The following SKIL variants were observed in gnomAD, a reference collection of about 807,000 sequenced individuals.
The protein encoded by SKIL is ski-like protein.
Under a neutral mutation model 69.6 loss-of-function variants are expected in SKIL, and 20 were observed. The ratio of observed to expected loss-of-function variants is 0.29; its 90% CI spans 0.20 to 0.42. The LOEUF (loss-of-function observed/expected upper bound fraction) is 0.42, where lower values mean the gene tolerates loss of function less well. Ranked by LOEUF, SKIL falls within the 10% of genes least tolerant of loss-of-function variation. SKIL has a pLI of 1.00. For missense variants in SKIL, 745 were observed against 783.1 expected, an observed-to-expected ratio of 0.95 and a Z score of 0.58; for synonymous variants, 310 against 279.9, an observed-to-expected ratio of 1.11 and a Z score of -1.08.
Position 170,360,298 on chromosome 3 carries a change from T to A in SKIL, c.-34T>A. The A allele has an allele frequency of 6.6e-7, 1 of 1,512,034 alleles. No individual in the cohort carries two copies. The highest frequency in any genetic ancestry group is 1.4e-5 in the South Asian group (1 of 73,078). The allele number at this position is 1,512,034 out of a possible 1,614,324, so 93.7% of individuals were successfully genotyped here. A position where few individuals can be genotyped will look rare whatever the true frequency, so the allele number is the denominator to read the frequency against. On this transcript the variant is annotated 5_prime_UTR_variant, in exon 2 of 7. Coordinates refer to ENST00000259119, the MANE Select transcript of SKIL (RefSeq NM_005414.5). ...ATAAGCAACTAAATAGAAATGCTAA[T>A]CTCAGACTTAATTATTTAACAGAAG...
In SKIL at chr3:170,394,115, A is replaced by ATTTTTTTTTTTTTTTTTT. The variant is rs559327626; in HGVS notation, c.*1712_*1729dup. 4.0e-5 allele frequency: 3 copies of ATTTTTTTTTTTTTTTTTT among 74,324 alleles called. No individual in the cohort carries two copies. Among genetic ancestry groups the ATTTTTTTTTTTTTTTTTT allele is most frequent in the African/African-American group, 1.6e-4 (3 of 19,300 alleles). The allele number at this position is 74,324 out of a possible 1,614,324, so 4.6% of individuals were successfully genotyped here. A position where few individuals can be genotyped will look rare whatever the true frequency, so the allele number is the denominator to read the frequency against. On this transcript the variant is annotated 3_prime_UTR_variant, in exon 7 of 7. Transcript: ENST00000259119. ...ATATTAAAATGACATGTAGAAACAA[A>ATTTTTTTTTTTTTTTTTT]TTTTTTTTTTTTTTTTTTTTTTTTT...
intron 2 of SKIL, among the ~76,000 whole-genome samples, chr3:170,377,610 A>G (rs1209925631): frequency 6.8e-4 from 82 of 120,862 alleles, no homozygotes; most frequent in African/African-American, 2.3e-3. Flanking sequence ...GTGCAGTGGC[A>G]CGATCTCGGC....
Position 170,364,095 on chromosome 3 carries a change from C to T in SKIL, c.1098+2666C>T, listed in dbSNP as rs543027664. 5.3e-5 allele frequency among the ~76,000 whole-genome samples: 8 copies of T among 152,140 alleles called. No homozygotes were observed. The East Asian group carries it at 1.4e-3, about 26-fold the overall frequency. ...TCTTCCGAGTAGCTGGGACTTCAGGCGCCCACCGCCATGCCCAGCTAATTT... is the reference window on the plus strand; with the variant it reads ...TCTTCCGAGTAGCTGGGACTTCAGGTGCCCACCGCCATGCCCAGCTAATTT... On this transcript the variant is annotated intron_variant, in intron 2 of 6. Transcript: ENST00000259119.
At chr3:170,388,606 T>C (rs1159926842) in intron 4 of SKIL, among the ~76,000 whole-genome samples, 2 of 151,940 alleles carry the variant, frequency 1.3e-5, no homozygotes, top group Non-Finnish European at 2.9e-5. Context: ...CTAATTTTTG[T>C]ATTTTTGGTG....
chr3:170,378,656 A>AT (rs1443398078), intron 2 of SKIL, among the ~76,000 whole-genome samples: 1 of 142,770 alleles, frequency 7.0e-6, no homozygotes, highest in Non-Finnish European at 1.5e-5. Flanking sequence ...GATTCAAGTG[A>AT]TTCTCCTGCC....
chr3:170,368,007 A>C (rs113967527), intron 2 of SKIL, among the ~76,000 whole-genome samples: 28 of 152,284 alleles, frequency 1.8e-4, no homozygotes, highest in African/African-American at 6.5e-4. Context: ...TAATAATAGT[A>C]CAAAATATTT....
chr3:170,390,956 T>C lies in SKIL; in HGVS notation c.1672-80T>C, dbSNP rs1348212706. On this transcript the variant is annotated intron_variant, in intron 5 of 6. Coordinates refer to ENST00000259119, the MANE Select transcript of SKIL (RefSeq NM_005414.5). ...TGATAGCTGAATTTTAGGTATTTTC[T>C]GTGCTATGTTTTCCAGAACTGAAAA... 6 of 708,312 alleles carry C rather than the reference T, an allele frequency of 8.5e-6. No individual in the cohort carries two copies. In the African/African-American group the frequency reaches 1.1e-4, roughly 13 times the overall value. The allele number at this position is 708,312 out of a possible 1,614,324, so 43.9% of individuals were successfully genotyped here. A position where few individuals can be genotyped will look rare whatever the true frequency, so the allele number is the denominator to read the frequency against.
chr3:170,370,628 A>G (rs1403100244), intron 2 of SKIL, among the ~76,000 whole-genome samples: 1 of 152,010 alleles, frequency 6.6e-6, no homozygotes, highest in African/African-American at 2.4e-5. Flanking sequence ...ACAAACCAGC[A>G]TTTCGTTTTT....
rs561593975 is a variant in SKIL at position 170,390,011 on chromosome 3, T to G, written c.1430-212T>G. Among the ~76,000 whole-genome samples, 7 of 152,368 alleles carry G rather than the reference T, an allele frequency of 4.6e-5. No individual in the cohort carries two copies. In the South Asian group the frequency reaches 1.4e-3, roughly 32 times the overall value. ...TCTTCCAATCCATGAATTTGGGATG[T>G]CTTTCCATGTATTTAGGTCTTAAAT... On this transcript the variant is annotated intron_variant, in intron 4 of 6. Transcript: ENST00000259119.
At chr3:170,368,721 G>GT (rs144983263) in intron 2 of SKIL, among the ~76,000 whole-genome samples, 3 of 152,082 alleles carry the variant, frequency 2.0e-5, no homozygotes, top group Admixed American at 6.6e-5. Flanking sequence ...CTCATTTATA[G>GT]TTTTTTTTAC....
chr3:170,377,304 C>T (rs1222421656), intron 2 of SKIL, among the ~76,000 whole-genome samples: 1 of 150,518 alleles, frequency 6.6e-6, no homozygotes, highest in African/African-American at 2.4e-5. Flanking sequence ...GTGGAGCGAT[C>T]TCAGCTCACT....
At chr3:170,372,370 A>G (rs1455625264) in intron 2 of SKIL, among the ~76,000 whole-genome samples, 2 of 152,220 alleles carry the variant, frequency 1.3e-5, no homozygotes, top group African/African-American at 4.8e-5. Flanking sequence ...CTGTGGAAAC[A>G]GCTGCCATTG....
intron 4 of SKIL, 107 bp downstream of exon 4, chr3:170,384,872 G>C (rs1737540319): frequency 1.6e-6 from 1 of 614,570 alleles, no homozygotes; most frequent in African/African-American, 1.9e-5. Flanking sequence ...GATAATTGGA[G>C]CTTTTACCTT....
rs1738175905 is a variant in SKIL, at chr3:170,396,170, C to A, written c.*3753C>A. On this transcript the variant is annotated 3_prime_UTR_variant, in exon 7 of 7. Coordinates refer to ENST00000259119, the MANE Select transcript of SKIL (RefSeq NM_005414.5). ...TAAGAAAAAAATTTAAAAATTCAGCCCAGAAAACAAAATAGTGTATTAAAT... is the reference window on the plus strand; with the variant it reads ...TAAGAAAAAAATTTAAAAATTCAGCACAGAAAACAAAATAGTGTATTAAAT... The A allele has an allele frequency of 6.6e-6, 1 of 151,434 alleles. No individual in the cohort carries two copies. The highest frequency in any genetic ancestry group is 2.4e-5 in the African/African-American group (1 of 41,230). The allele number at this position is 151,434 out of a possible 1,614,324, so 9.4% of individuals were successfully genotyped here. A position where few individuals can be genotyped will look rare whatever the true frequency, so the allele number is the denominator to read the frequency against.
At chr3:170,363,968 TAG>T (rs1736368134) in intron 2 of SKIL, among the ~76,000 whole-genome samples, 1 of 151,994 alleles carries the variant, frequency 6.6e-6, no homozygotes, top group African/African-American at 2.4e-5. Context: ...TTTTTTTTTG[TAG>T]AGACAAGTCT....
chr3:170,391,880 A>G (rs1264900220), intron 6 of SKIL, among the ~76,000 whole-genome samples: 1 of 152,366 alleles, frequency 6.6e-6, no homozygotes, highest in East Asian at 1.9e-4. Flanking sequence ...ACAAATTAAC[A>G]AACAGGAACT....
At chr3:170,366,947 C>G (rs369796348) in intron 2 of SKIL, among the ~76,000 whole-genome samples, 1 of 151,358 alleles carries the variant, frequency 6.6e-6, no homozygotes, top group South Asian at 2.1e-4. Context: ...TAAATTTGAT[C>G]TAATTCTAAT....
At chr3:170,357,933 G>C (rs894579861) in intron 1 of SKIL, 170 bp downstream of exon 1, 1 of 152,420 alleles carries the variant, frequency 6.6e-6, no homozygotes, top group African/African-American at 2.4e-5. Context: ...GCGGGTCCCG[G>C]GTGGGGTCGG....
chr3:170,388,067 T>C (rs1577444782), intron 4 of SKIL, among the ~76,000 whole-genome samples: 1 of 152,134 alleles, frequency 6.6e-6, no homozygotes, highest in African/African-American at 2.4e-5. Context: ...GTGGTAATTA[T>C]GTTTAATGTT....
Sources: gnomAD v4.1 joint callset for allele counts (sites outside exome capture counted in the v4.1 genomes callset) on GRCh38, gnomAD v4.1.1 for gene constraint, MANE v1.5 for transcripts, NCBI Gene and HGNC (gene_info 2026-07-23, HGNC 2026-07-21) for gene names.